PAM: variants seen among roughly 807,000 people sequenced by gnomAD.
The protein encoded by PAM is peptidylglycine alpha-amidating monooxygenase.
PAM carries 72 observed loss-of-function variants against 122.1 expected under a neutral mutation model. The ratio of observed to expected loss-of-function variants is 0.59; its 90% confidence interval spans 0.49 to 0.72. PAM has a LOEUF of 0.72. PAM is among the 30% of genes least tolerant of loss of function. The probability of loss-of-function intolerance (pLI) is 0.00; values close to 1 mark genes in which losing one functional copy is unlikely to be tolerated. For synonymous variants in PAM, 389 were observed against 404.4 expected (o/e 0.96, Z 0.46); for missense variants, 1,106 against 1,183.7 (o/e 0.93, Z 0.96).
At chr5:102,982,448 A>G (rs904982197) in intron 15 of PAM, among the ~76,000 whole-genome samples, 3 of 152,088 alleles carry the variant, frequency 2.0e-5, no homozygotes, top group African/African-American at 4.8e-5. Context: ...GCTACCACTG[A>G]TACCTGCCTA....
At chr5:103,006,681 T>C (rs1053106595) in intron 18 of PAM, 120 bp from the exon 19 acceptor site, 10 of 697,924 alleles carry the variant, frequency 1.4e-5, no homozygotes, top group Non-Finnish European at 2.5e-5. Context: ...TAATACCTTC[T>C]TTTAAATAAG....
At chr5:102,872,270 GTT>G (rs1475699508) in intron 3 of PAM, among the ~76,000 whole-genome samples, 1 of 152,172 alleles carries the variant, frequency 6.6e-6, no homozygotes, top group Non-Finnish European at 1.5e-5. Context: ...ACAATTCTGA[GTT>G]TAAGAATCAC....
chr5:102,758,142 G>T (rs1164740589), intron 1 of PAM, among the ~76,000 whole-genome samples: 2 of 126,700 alleles, frequency 1.6e-5, no homozygotes, highest in Non-Finnish European at 3.1e-5. Context: ...ATTCCACCTG[G>T]AAAAGATTGA....
intron 15 of PAM, among the ~76,000 whole-genome samples, chr5:102,988,632 A>G (rs1404935803): frequency 7.0e-6 from 1 of 143,012 alleles, no homozygotes; most frequent in Non-Finnish European, 1.5e-5. Flanking sequence ...GGAAAGGGAA[A>G]AAAAAGAAGG....
At chr5:102,921,021 A>G (rs182381917) in intron 5 of PAM, among the ~76,000 whole-genome samples, 22 of 152,260 alleles carry the variant, frequency 1.4e-4, no homozygotes, top group African/African-American at 5.3e-4. Flanking sequence ...ATTAGACGTG[A>G]AAAAGGTTCT....
chr5:102,829,673 C>T (rs1466230368), intron 1 of PAM, among the ~76,000 whole-genome samples: 2 of 152,106 alleles, frequency 1.3e-5, no homozygotes, highest in Non-Finnish European at 2.9e-5. Context: ...TGCGCCTGGC[C>T]GCAAATGGGA....
At chr5:102,756,386 C>T (rs1251228782) in intron 1 of PAM, among the ~76,000 whole-genome samples, 1 of 152,138 alleles carries the variant, frequency 6.6e-6, no homozygotes, top group Non-Finnish European at 1.5e-5. Context: ...GACCTTACAT[C>T]CTGTGCCTTT....
chr5:102,779,222 G>GTGTGTATATATA (rs953376379), intron 1 of PAM, among the ~76,000 whole-genome samples: 3 of 150,582 alleles, frequency 2.0e-5, no homozygotes, highest in East Asian at 3.9e-4. Flanking sequence ...ATATATATGT[G>GTGTGTATATATA]TGTGTATATA....
At chr5:102,797,888 T>C (rs931557183) in intron 1 of PAM, among the ~76,000 whole-genome samples, 9 of 152,186 alleles carry the variant, frequency 5.9e-5, no homozygotes, top group Non-Finnish European at 8.8e-5. Context: ...CTACTCACTT[T>C]TCTCTTTAGT....
intron 1 of PAM, among the ~76,000 whole-genome samples, chr5:102,802,437 G>A (rs1423890247): frequency 6.6e-6 from 1 of 152,102 alleles, no homozygotes; most frequent in African/African-American, 2.4e-5. Flanking sequence ...ACTTTGCATA[G>A]CTTCAGTCTA....
At chr5:102,995,535 C>CCTT (rs1344239127) in intron 16 of PAM, among the ~76,000 whole-genome samples, 2 of 152,050 alleles carry the variant, frequency 1.3e-5, no homozygotes, top group Non-Finnish European at 2.9e-5. Flanking sequence ...TGCATCAAGA[C>CCTT]GTTTGAACTC....
chr5:102,792,740 GATTACC>G (rs1762360314), intron 1 of PAM, among the ~76,000 whole-genome samples: 1 of 152,168 alleles, frequency 6.6e-6, no homozygotes. Flanking sequence ...TGTAACACAT[GATTACC>G]ATTGGTTTTC....
At chr5:102,775,517 G>A (rs532457828) in intron 1 of PAM, among the ~76,000 whole-genome samples, 1 of 152,148 alleles carries the variant, frequency 6.6e-6, no homozygotes, top group South Asian at 2.1e-4. Flanking sequence ...AAAGGCCCCA[G>A]TGTGTGTTAT....
chr5:102,840,861 G>A (rs1778398793), intron 1 of PAM, among the ~76,000 whole-genome samples: 1 of 152,128 alleles, frequency 6.6e-6, no homozygotes, highest in African/African-American at 2.4e-5. Flanking sequence ...GGCTGGGCAT[G>A]TCCTTTTTTA....
At chr5:102,977,460 T>C (rs1768056376) in intron 15 of PAM, among the ~76,000 whole-genome samples, 1 of 151,910 alleles carries the variant, frequency 6.6e-6, no homozygotes, top group Non-Finnish European at 1.5e-5. Flanking sequence ...GCGAATAGCA[T>C]TTTTTTTAGG....
At chr5:102,813,955 A>G (rs1768777859) in intron 1 of PAM, among the ~76,000 whole-genome samples, 1 of 152,202 alleles carries the variant, frequency 6.6e-6, no homozygotes, top group African/African-American at 2.4e-5. Flanking sequence ...TGAAAAGCTT[A>G]GAGAAGACTG....
intron 2 of PAM, among the ~76,000 whole-genome samples, 173 bp from the exon 3 acceptor site, chr5:102,867,100 A>G (rs1785832820): frequency 6.6e-6 from 1 of 152,196 alleles, no homozygotes; most frequent in Non-Finnish European, 1.5e-5. Context: ...ATTGGACTAT[A>G]AAATGAAAAT....
At chr5:102,886,749 G>C (rs1793245286) in intron 3 of PAM, among the ~76,000 whole-genome samples, 1 of 151,954 alleles carries the variant, frequency 6.6e-6, no homozygotes, top group African/African-American at 2.4e-5. Context: ...GCATATTTTT[G>C]GTTAGTGTAT....
At chr5:102,854,642 C>T in intron 1 of PAM, among the ~76,000 whole-genome samples, 1 of 152,006 alleles carries the variant, frequency 6.6e-6, no homozygotes, top group African/African-American at 2.4e-5. Flanking sequence ...TTGCTAGTCA[C>T]TGTGGGAAAC....
Sources: allele counts gnomAD v4.1 joint callset (sites outside exome capture counted in the v4.1 genomes callset), GRCh38; gene constraint gnomAD v4.1.1; transcripts MANE v1.5; gene names NCBI Gene and HGNC (gene_info 2026-07-23, HGNC 2026-07-21).